PTPRD: variants seen among roughly 807,000 people sequenced by gnomAD.
PTPRD encodes the protein protein tyrosine phosphatase receptor type D, also known as receptor-type tyrosine-protein phosphatase delta.
In PTPRD, 34 loss-of-function variants were observed where a neutral mutation model predicts 214.5. The observed-to-expected ratio is 0.16, with a 90% CI of 0.12 to 0.21. PTPRD has a LOEUF of 0.21. Among genes scored for constraint, PTPRD ranks in the 10% least tolerant of loss-of-function variants. The pLI is 1.00. For missense variants in PTPRD, 2,545 were observed against 2,398.7 expected, an observed-to-expected ratio of 1.06 and a Z score of -1.27; for synonymous variants, 1,128 against 845.7, an observed-to-expected ratio of 1.33 and a Z score of -5.79.
intron 6 of PTPRD, among the ~76,000 whole-genome samples, chr9:9,747,312 C>T (rs1458669330): frequency 6.6e-6 from 1 of 151,994 alleles, no homozygotes; most frequent in Non-Finnish European, 1.5e-5. Context: ...GGAACCCTCC[C>T]AAGAAAACAT....
At chr9:9,938,891 G>A (rs1419916584) in intron 4 of PTPRD, among the ~76,000 whole-genome samples, 1 of 152,056 alleles carries the variant, frequency 6.6e-6, no homozygotes, top group Non-Finnish European at 1.5e-5. Context: ...TTTGGTATAA[G>A]TAATTGATGC....
chr9:9,875,136 C>G (rs963527676), intron 5 of PTPRD, among the ~76,000 whole-genome samples: 3 of 152,038 alleles, frequency 2.0e-5, no homozygotes, highest in African/African-American at 4.8e-5. Flanking sequence ...CCTGCATTCT[C>G]TAGTCAGTTT....
At chr9:8,849,795 G>A (rs1276347157) in intron 11 of PTPRD, among the ~76,000 whole-genome samples, 1 of 152,164 alleles carries the variant, frequency 6.6e-6, no homozygotes, top group Non-Finnish European at 1.5e-5. Context: ...GGAGCAGACT[G>A]CAAAGGGCTC....
At chr9:9,682,069 G>T (rs1338225186) in intron 7 of PTPRD, among the ~76,000 whole-genome samples, 2 of 151,724 alleles carry the variant, frequency 1.3e-5, no homozygotes, top group Admixed American at 1.3e-4. Flanking sequence ...TACATAATTT[G>T]CAGAGGCTCT....
chr9:8,475,976 T>G (rs1591496299), intron 30 of PTPRD, among the ~76,000 whole-genome samples: 1 of 152,194 alleles, frequency 6.6e-6, no homozygotes, highest in Non-Finnish European at 1.5e-5. Context: ...AACATTTCAA[T>G]GGATCCTCAT....
chr9:10,068,598 T>C (rs1590204908), intron 3 of PTPRD, among the ~76,000 whole-genome samples: 1 of 151,846 alleles, frequency 6.6e-6, no homozygotes, highest in Non-Finnish European at 1.5e-5. Context: ...CACCAAACCA[T>C]ATTTGTCCCT....
intron 11 of PTPRD, among the ~76,000 whole-genome samples, chr9:8,928,015 C>G (rs149537543): frequency 9.9e-5 from 15 of 152,018 alleles, no homozygotes; most frequent in Admixed American, 8.5e-4. Flanking sequence ...TTTTGAGGAG[C>G]GTCTGTTCAT....
Position 8,934,494 on chromosome 9 carries a change from A to AATATATATATATAAATATATATATAAAT in PTPRD, c.-104+84202_-104+84203insATTTATATATATATTTATATATATATAT, listed in dbSNP as rs1420703537. Among the ~76,000 whole-genome samples, 61 of 7,412 alleles carry AATATATATATATAAATATATATATAAAT rather than the reference A, an allele frequency of 8.2e-3. 3 individuals carry two copies. The highest frequency in any genetic ancestry group is 0.023 in the African/African-American group (56 of 2,472). 4.9% of individuals were successfully genotyped at this position (7,412 alleles called of 152,430 possible). ...ATATATATAAATATATATATATATA[A>AATATATATATATAAATATATATATAAAT]ATATATATATAAATATATATATATA... On this transcript the variant is annotated intron_variant, in intron 11 of 45. Transcript: ENST00000381196.
intron 3 of PTPRD, among the ~76,000 whole-genome samples, chr9:10,293,027 G>A (rs1199920002): frequency 6.6e-6 from 1 of 151,954 alleles, no homozygotes; most frequent in South Asian, 2.1e-4. Context: ...CTCATAAACT[G>A]GACATATAAA....
At chr9:8,948,507 A>ATATATT (rs2099082858) in intron 11 of PTPRD, among the ~76,000 whole-genome samples, 1 of 13,620 alleles carries the variant, frequency 7.3e-5, no homozygotes, top group East Asian at 9.6e-3. Context: ...ATATATATTT[A>ATATATT]TATATATATA....
intron 9 of PTPRD, among the ~76,000 whole-genome samples, chr9:9,385,455 T>C (rs1371833927): frequency 6.6e-6 from 1 of 152,188 alleles, no homozygotes; most frequent in Non-Finnish European, 1.5e-5. Flanking sequence ...GATTCTACTT[T>C]TGCTTTAAGC....
chr9:8,463,278 G>T lies in PTPRD; in HGVS notation c.3714+2188C>A, dbSNP rs1013893517. Among the ~76,000 whole-genome samples, 71 of 100,858 alleles carry T rather than the reference G, an allele frequency of 7.0e-4. 1 individual carries two copies. Among genetic ancestry groups the T allele is most frequent in the Non-Finnish European group, 1.8e-4 (10 of 55,588 alleles). The allele number at this position is 100,858 out of a possible 152,430, so 66.2% of individuals were successfully genotyped here. A position where few individuals can be genotyped will look rare whatever the true frequency, so the allele number is the denominator to read the frequency against. ...CGCATTACAAGAAGATAAAAACTCAGTATATATGTCCAAGCTTCTCAGAGG... is the reference window on the plus strand; with the variant it reads ...CGCATTACAAGAAGATAAAAACTCATTATATATGTCCAAGCTTCTCAGAGG... On this transcript the variant is annotated intron_variant, in intron 32 of 45. Transcript: ENST00000381196.
In PTPRD at chr9:8,914,548, T is replaced by C. The variant is rs530703505; in HGVS notation, c.-104+104149A>G. Among the ~76,000 whole-genome samples, 7 of 152,228 alleles carry C rather than the reference T, an allele frequency of 4.6e-5. No homozygotes were observed. The South Asian group carries it at 1.4e-3, about 32-fold the overall frequency. On this transcript the variant is annotated intron_variant, in intron 11 of 45. Coordinates refer to ENST00000381196, the MANE Select transcript of PTPRD (RefSeq NM_002839.4). ...ATAGGGGTCGAGATAAATCTGGACC[T>C]GAAGCAAGCTGTAATGATTGGGAAC...
At chr9:10,229,664 G>C (rs1441938648) in intron 3 of PTPRD, among the ~76,000 whole-genome samples, 3 of 130,498 alleles carry the variant, frequency 2.3e-5, no homozygotes, top group Non-Finnish European at 4.6e-5. Context: ...AGAACACATG[G>C]ACATAGATTG....
At chr9:10,162,706 CACGTATATATATACATATACATGT>C (rs2099135703) in intron 3 of PTPRD, among the ~76,000 whole-genome samples, 1 of 144,718 alleles carries the variant, frequency 6.9e-6, no homozygotes, top group African/African-American at 2.5e-5. Context: ...TATACATATA[CACGTATATATATACATATACATGT>C]ACATATATAT....
intron 7 of PTPRD, among the ~76,000 whole-genome samples, chr9:9,674,703 G>A (rs765937454): frequency 4.0e-5 from 6 of 151,698 alleles, no homozygotes; most frequent in South Asian, 2.1e-4. Flanking sequence ...TAAAAAGATC[G>A]TTAGGGTAAT....
intron 5 of PTPRD, among the ~76,000 whole-genome samples, chr9:9,833,863 C>T (rs1240540822): frequency 6.6e-6 from 1 of 152,082 alleles, no homozygotes; most frequent in Non-Finnish European, 1.5e-5. Flanking sequence ...ATTCCCTGAA[C>T]AACTGCTGTT....
intron 10 of PTPRD, among the ~76,000 whole-genome samples, chr9:9,158,223 G>A (rs942587508): frequency 6.6e-6 from 1 of 152,046 alleles, no homozygotes; most frequent in Non-Finnish European, 1.5e-5. Context: ...TGGCTATGTG[G>A]CTATATACCT....
chr9:10,513,170 G>T (rs144302522), intron 2 of PTPRD, among the ~76,000 whole-genome samples: 1 of 151,644 alleles, frequency 6.6e-6, no homozygotes, highest in Non-Finnish European at 1.5e-5. Flanking sequence ...TTGGTTTTAT[G>T]ATTGTGTGTG....
Sources: gnomAD v4.1 joint callset for allele counts (sites outside exome capture counted in the v4.1 genomes callset) on GRCh38, gnomAD v4.1.1 for gene constraint, MANE v1.5 for transcripts, NCBI Gene and HGNC (gene_info 2026-07-23, HGNC 2026-07-21) for gene names.